SLC4A8: variants seen among roughly 807,000 people sequenced by gnomAD.
SLC4A8 encodes solute carrier family 4 member 8, also known as electroneutral sodium bicarbonate exchanger 1.
In SLC4A8, 40 loss-of-function variants were observed where a neutral mutation model predicts 125.0. The observed-to-expected ratio is 0.32, with a 90% CI of 0.25 to 0.42. The LOEUF is 0.42. Ranked by LOEUF, SLC4A8 falls within the 10% of genes least tolerant of loss-of-function variation. The pLI, the probability that SLC4A8 is intolerant of heterozygous loss-of-function variation, is 1.00. For missense variants in SLC4A8, 863 were observed against 1,355.1 expected, an observed-to-expected ratio of 0.64 and a Z score of 5.70; for synonymous variants, 456 against 476.0, an observed-to-expected ratio of 0.96 and a Z score of 0.55.
At chr12:51,413,180 A>G (rs1224290486) in intron 1 of SLC4A8, among the ~76,000 whole-genome samples, 1 of 151,938 alleles carries the variant, frequency 6.6e-6, no homozygotes, top group Non-Finnish European at 1.5e-5. Flanking sequence ...GATATTGAGC[A>G]TTTTTTTCAT....
At chr12:51,424,074 A>AC (rs1948880113), upstream of SLC4A8, among the ~76,000 whole-genome samples, 1 of 130,780 alleles carries the variant, frequency 7.6e-6, no homozygotes, top group African/African-American at 2.7e-5. Context: ...AACAAAAAAA[A>AC]AACAAAAAAA....
At position 51,460,100 on chromosome 12, in the gene SLC4A8, C is replaced by T; in HGVS notation, c.1005C>T (p.Ile335=). The change falls in exon 8 of 25, where the codon ATC becomes ATT. Residue 335 remains isoleucine (I), a synonymous_variant. Coordinates refer to ENST00000453097, the MANE Select transcript of SLC4A8 (RefSeq NM_001039960.3). ...VLLSGLTEVP[I]PTRFLFILLG... is the part of the protein sequence containing the mutation. ...TCTCAGGCCTAACAGAAGTGCCAAT[C>T]CCAACAAGGTAAAGGCAAAGATAAA... is the stretch of plus-strand genomic sequence containing the variant. The T allele has an allele frequency of 6.2e-7, 1 of 1,613,344 alleles. No homozygotes were observed. The highest frequency in any genetic ancestry group is 8.5e-7 in the Non-Finnish European group (1 of 1,179,296).
chr12:51,461,175 A>G (rs374426906), intron 8 of SLC4A8, 29 bp from the exon 9 acceptor site: 8 of 1,228,030 alleles, frequency 6.5e-6, no homozygotes, highest in South Asian at 1.2e-5. Context: ...ATTTACTTAC[A>G]TAATTTCCTC....
At chr12:51,453,774 G>A in intron 5 of SLC4A8, 75 bp downstream of exon 5, 2 of 1,387,662 alleles carry the variant, frequency 1.4e-6, no homozygotes, top group Non-Finnish European at 2.0e-6. Context: ...AGTGTGGCGT[G>A]ACAGAAAGAA....
Position 51,511,743 on chromosome 12 carries a change from T to C in SLC4A8, c.*4305T>C, listed in dbSNP as rs961981330. On this transcript the variant is annotated 3_prime_UTR_variant, in exon 25 of 25. Transcript: ENST00000453097. Reference sequence around the variant, plus strand: ...CACAAGTGTTGTCATCTGTGACTCATGGGCCACTTGATGAACCTGAACCAT... The same window carrying C: ...CACAAGTGTTGTCATCTGTGACTCACGGGCCACTTGATGAACCTGAACCAT... 3 of 152,206 alleles carry C rather than the reference T, an allele frequency of 2.0e-5. No homozygotes were observed. The highest frequency in any genetic ancestry group is 4.4e-5 in the Non-Finnish European group (3 of 68,040). The allele number at this position is 152,206 out of a possible 1,614,324, so 9.4% of individuals were successfully genotyped here. A position where few individuals can be genotyped will look rare whatever the true frequency, so the allele number is the denominator to read the frequency against.
chr12:51,470,662 G>C, intron 13 of SLC4A8, 137 bp downstream of exon 13: 5 of 795,536 alleles, frequency 6.3e-6, no homozygotes, highest in Non-Finnish European at 1.0e-5. Flanking sequence ...ACCATCATTT[G>C]GTCTGTTGTC....
chr12:51,442,604 A>AC (rs1248307484), intron 2 of SLC4A8, among the ~76,000 whole-genome samples: 21 of 152,332 alleles, frequency 1.4e-4, no homozygotes, highest in African/African-American at 5.1e-4. Context: ...TGACAGCCTT[A>AC]CTAGTGCATA....
At chr12:51,468,335 T>A (rs1330836018) in intron 11 of SLC4A8, among the ~76,000 whole-genome samples, 3 of 152,238 alleles carry the variant, frequency 2.0e-5, no homozygotes, top group African/African-American at 4.8e-5. Context: ...CCACTTCTCA[T>A]CCTAATCTAT....
chr12:51,443,658 T>G (rs1208206823), intron 2 of SLC4A8, among the ~76,000 whole-genome samples: 1 of 152,216 alleles, frequency 6.6e-6, no homozygotes, highest in East Asian at 1.9e-4. Flanking sequence ...AATACGTTTT[T>G]AACAGAGGTA....
chr12:51,393,568 T>C (rs1948201899), intron 1 of SLC4A8, among the ~76,000 whole-genome samples: 1 of 152,180 alleles, frequency 6.6e-6, no homozygotes, highest in African/African-American at 2.4e-5. Context: ...AGGTTTGATC[T>C]ATTCAGAAGG....
At chr12:51,506,195 C>G (rs913449136) in intron 24 of SLC4A8, among the ~76,000 whole-genome samples, 1 of 152,196 alleles carries the variant, frequency 6.6e-6, no homozygotes, top group African/African-American at 2.4e-5. Context: ...TTTGCTTTGC[C>G]TGTTTATTTC....
chr12:51,489,938 C>T lies in SLC4A8; in HGVS notation c.2687C>T (p.Thr896Met), dbSNP rs767950757. The change falls in exon 19 of 25, where the codon ACG (threonine) becomes ATG (methionine). Residue 896 changes from threonine to methionine, a missense_variant. Coordinates refer to ENST00000453097, the MANE Select transcript of SLC4A8 (RefSeq NM_001039960.3). ...FVLMGCSVFMTAILKFIPMPV... is the reference protein window; with the variant it reads ...FVLMGCSVFMMAILKFIPMPV... ...CTGATGGGCTGCTCAGTCTTCATGACGGCTATCTTAAAGGTAATCATCCTT... is the reference window on the plus strand; with the variant it reads ...CTGATGGGCTGCTCAGTCTTCATGATGGCTATCTTAAAGGTAATCATCCTT... The T allele has an allele frequency of 1.1e-5, 17 of 1,613,982 alleles. No homozygotes were observed. Among genetic ancestry groups the T allele is most frequent in the Admixed American group, 1.7e-5 (1 of 60,000 alleles).
intron 20 of SLC4A8, chr12:51,494,312 C>T (rs1347620925): frequency 1.3e-5 from 2 of 152,962 alleles, no homozygotes; most frequent in African/African-American, 4.8e-5. Context: ...AAAGAAAAAT[C>T]AGGAGCTTGT....
At chr12:51,410,417 T>C (rs577513740) in intron 1 of SLC4A8, among the ~76,000 whole-genome samples, 14 of 152,268 alleles carry the variant, frequency 9.2e-5, no homozygotes, top group African/African-American at 3.1e-4. Context: ...TTGATTCTTC[T>C]GGTTAGAGTC....
intron 2 of SLC4A8, among the ~76,000 whole-genome samples, chr12:51,447,910 G>A (rs1161291740): frequency 2.0e-5 from 3 of 151,806 alleles, no homozygotes; most frequent in East Asian, 3.9e-4. Flanking sequence ...TAGTGGAGAC[G>A]GGGTTTCACC....
chr12:51,424,599 G>T (rs1948894840), upstream of SLC4A8: 2 of 221,074 alleles, frequency 9.0e-6, no homozygotes. Context: ...GTCAGGTGCA[G>T]CTGCAAATAG....
chr12:51,450,797 T>C (rs991866235), intron 2 of SLC4A8, 79 bp from the exon 3 acceptor site: 4 of 1,504,006 alleles, frequency 2.7e-6, no homozygotes, highest in Admixed American at 3.6e-5. Flanking sequence ...TTTTTTCTCT[T>C]AACTATGCTA....
rs750812189 is a variant in SLC4A8, at chr12:51,469,799, TTAACCACTTC to T, written c.1524+15_1524+24del. On this transcript the variant is annotated intron_variant, in intron 12 of 24. Transcript: ENST00000453097. ...ACTGAGGGACGCATAGTAAGGACTT[TTAACCACTTC>T]TAATGATCCCAAACAAGACCTAAAA... 4 of 1,613,548 alleles carry T rather than the reference TTAACCACTTC, an allele frequency of 2.5e-6. No homozygotes were observed. The highest frequency in any genetic ancestry group is 3.4e-6 in the Non-Finnish European group (4 of 1,179,592).
intron 1 of SLC4A8, among the ~76,000 whole-genome samples, chr12:51,439,069 T>A (rs1307198021): frequency 2.0e-5 from 3 of 152,140 alleles, no homozygotes; most frequent in Non-Finnish European, 2.9e-5. Context: ...TTTTTTTATT[T>A]TTTTTGAGAC....
Sources: gnomAD v4.1 joint callset for allele counts (sites outside exome capture counted in the v4.1 genomes callset) on GRCh38, gnomAD v4.1.1 for gene constraint, MANE v1.5 for transcripts, NCBI Gene and HGNC (gene_info 2026-07-23, HGNC 2026-07-21) for gene names.